The following AQP1 variants were observed in gnomAD, a reference collection of about 807,000 sequenced individuals.
The protein encoded by AQP1 is aquaporin 1 (Colton blood group), also known as aquaporin-1.
AQP1 carries 11 observed loss-of-function variants against 19.7 expected under a neutral mutation model. That is an observed-to-expected ratio of 0.56 (90% CI 0.35 to 0.92). The LOEUF (loss-of-function observed/expected upper bound fraction) is 0.92. AQP1 is among the 40% of genes least tolerant of loss of function. AQP1 has a pLI of 0.01. For missense variants in AQP1, 320 were observed against 369.7 expected (o/e 0.87, Z 1.10); for synonymous variants, 159 against 166.7 (o/e 0.95, Z 0.36).
chr7:30,922,378 G>C (rs975982923), intron 2 of AQP1, 148 bp downstream of exon 2: 303 of 1,384,650 alleles, frequency 2.2e-4, no homozygotes, highest in Non-Finnish European at 2.8e-4. Flanking sequence ...CTGGGGGCAG[G>C]GTCCTGCCCT....
chr7:30,916,045 CT>C (rs1446736092), intron 1 of AQP1, among the ~76,000 whole-genome samples: 3 of 152,188 alleles, frequency 2.0e-5, no homozygotes, highest in Admixed American at 6.5e-5. Context: ...GTGGTGGAGA[CT>C]TCCCTCACCA....
rs1436021836 is a variant in AQP1, at chr7:30,912,238, C to T, written c.329C>T (p.Ala110Val). 3 of 1,608,430 alleles carry T rather than the reference C, an allele frequency of 1.9e-6. No individual in the cohort carries two copies. The African/African-American group carries it at 4.0e-5, about 21-fold the overall frequency. Residue 110 changes from alanine (A) to valine (V), a missense_variant, in exon 1 of 4, where the codon GCC (alanine) becomes GTC (valine). Coordinates refer to ENST00000311813, the MANE Select transcript of AQP1 (RefSeq NM_198098.4). This position sits in a 1 kb window ranked among gnomAD's most constrained non-coding sequence, Gnocchi z 4.3. ...AQCVGAIVATAILSGITSSLT... is the reference protein window; with the variant it reads ...AQCVGAIVATVILSGITSSLT... ...TGCGTGGGGGCCATCGTCGCCACCG[C>T]CATCCTCTCAGGCATCACCTCCTCC...
intron 1 of AQP1, among the ~76,000 whole-genome samples, chr7:30,915,366 G>A (rs370518241): frequency 1.7e-4 from 26 of 152,146 alleles, no homozygotes; most frequent in African/African-American, 5.8e-4. Flanking sequence ...GGGCGGGCCC[G>A]GGAACTTTTG....
At chr7:30,918,009 T>TTTTTTTTTTTTTTTTTTTTC (rs1791401617) in intron 1 of AQP1, among the ~76,000 whole-genome samples, 1 of 151,950 alleles carries the variant, frequency 6.6e-6, no homozygotes, top group African/African-American at 2.4e-5. Context: ...TTATTTTTTT[T>TTTTTTTTTTTTTTTTTTTTC]TTTGAGACGG....
rs1791355808 is a variant in AQP1 at position 30,916,412 on chromosome 7, A to G, written c.384+4119A>G. Among the ~76,000 whole-genome samples the G allele has an allele frequency of 2.0e-5, 3 of 152,224 alleles. No individual in the cohort carries two copies. In the South Asian group the frequency reaches 6.2e-4, roughly 32 times the overall value. ...ATGGCCCTTACCTTCTGGAAGCACCAATGAGTCTGGAGTCTCCTGAGTGGC... is the reference window on the plus strand; with the variant it reads ...ATGGCCCTTACCTTCTGGAAGCACCGATGAGTCTGGAGTCTCCTGAGTGGC... On this transcript the variant is annotated intron_variant, in intron 1 of 3. Coordinates refer to ENST00000311813, the MANE Select transcript of AQP1 (RefSeq NM_198098.4).
At position 30,923,911 on chromosome 7, in the gene AQP1, CG is replaced by C. The variant is rs779804193; in HGVS notation, c.*283del. ...GAAAGAAAGGGACCCACCTGCTAGTCGCCCCTCAGAGCATGATGGGAGGTGT... is the reference window on the plus strand; with the variant it reads ...GAAAGAAAGGGACCCACCTGCTAGTCCCCCTCAGAGCATGATGGGAGGTGT... On this transcript the variant is annotated 3_prime_UTR_variant, in exon 4 of 4. Coordinates refer to ENST00000311813, the MANE Select transcript of AQP1 (RefSeq NM_198098.4). This position sits in a 1 kb window ranked among gnomAD's most constrained non-coding sequence, Gnocchi z 4.8. 1 of 1,456,848 alleles carries C rather than the reference CG, an allele frequency of 6.9e-7. No individual in the cohort carries two copies. Among genetic ancestry groups the C allele is most frequent in the South Asian group, 1.2e-5 (1 of 86,836 alleles). The allele number at this position is 1,456,848 out of a possible 1,614,324, so 90.2% of individuals were successfully genotyped here.
intron 1 of AQP1, among the ~76,000 whole-genome samples, chr7:30,913,662 G>A (rs1202711305): frequency 6.6e-6 from 1 of 152,208 alleles, no homozygotes; most frequent in African/African-American, 2.4e-5. Context: ...GCTCAGCCTG[G>A]CCATGGGGGG....
chr7:30,924,261 G>T lies in AQP1; in HGVS notation c.*632G>T, dbSNP rs1791621236. On this transcript the variant is annotated 3_prime_UTR_variant, in exon 4 of 4. Transcript: ENST00000311813. The stretch of plus-strand genomic sequence containing the variant: ...ACCGGCAGAGCTCTACAGGCCTGCA[G>T]CCCCTAAGTGCAAACACAGCATGGG... The T allele has an allele frequency of 2.5e-6, 1 of 403,032 alleles. No homozygotes were observed. Among genetic ancestry groups the T allele is most frequent in the Non-Finnish European group, 3.9e-6 (1 of 257,920 alleles). The allele number at this position is 403,032 out of a possible 1,614,324, so 25.0% of individuals were successfully genotyped here.
At chr7:30,914,403 T>G (rs2128588610) in intron 1 of AQP1, among the ~76,000 whole-genome samples, 1 of 152,304 alleles carries the variant, frequency 6.6e-6, no homozygotes, top group South Asian at 2.1e-4. Context: ...TGCTTTGAGC[T>G]TATCACCCAT....
chr7:30,922,368 C>T, intron 2 of AQP1, 138 bp downstream of exon 2: 1 of 1,402,312 alleles, frequency 7.1e-7, no homozygotes, highest in South Asian at 1.3e-5. Flanking sequence ...GCGCTGGGGG[C>T]TGGGGGCAGG....
intron 2 of AQP1, 98 bp from the exon 3 acceptor site, chr7:30,922,466 G>A (rs1791544697): frequency 1.5e-6 from 2 of 1,376,180 alleles, no homozygotes; most frequent in African/African-American, 2.9e-5. Context: ...CCCCCACCCT[G>A]ATTGTTCTCT....
At chr7:30,921,398 A>G in intron 1 of AQP1, 3 of 1,413,410 alleles carry the variant, frequency 2.1e-6, no homozygotes, top group Non-Finnish European at 2.8e-6. Context: ...GTGGGGAGGA[A>G]GAAGAGAGAA....
chr7:30,917,222 C>T (rs1400805185), intron 1 of AQP1, among the ~76,000 whole-genome samples: 8 of 152,228 alleles, frequency 5.3e-5, no homozygotes, highest in Non-Finnish European at 1.2e-4. Flanking sequence ...CAAACATGCA[C>T]ACACATGTGC....
chr7:30,919,549 A>T (rs1791444034), intron 1 of AQP1, among the ~76,000 whole-genome samples: 2 of 127,110 alleles, frequency 1.6e-5, no homozygotes, highest in South Asian at 2.4e-4. Context: ...AATTGTTCTG[A>T]TTCTTACTTT....
chr7:30,913,796 C>T (rs1419613739), intron 1 of AQP1, among the ~76,000 whole-genome samples: 2 of 152,138 alleles, frequency 1.3e-5, no homozygotes, highest in Non-Finnish European at 2.9e-5. Context: ...TTAGACGTGG[C>T]CGCGGGGGAT....
chr7:30,920,995 A>C (rs570279068), intron 1 of AQP1, among the ~76,000 whole-genome samples: 2 of 152,032 alleles, frequency 1.3e-5, no homozygotes, highest in South Asian at 4.2e-4. Flanking sequence ...CCTTGGAGAC[A>C]CTCCCATATC....
Position 30,923,298 on chromosome 7 carries a change from G to A in AQP1, c.631-152G>A. ...CCTGGGCCGGTTCTGAGGGGCACCG[G>A]AATCATGATGTTAGGATTTGGCTCT... On this transcript the variant is annotated intron_variant, in intron 3 of 3. Transcript: ENST00000311813. This position sits in a 1 kb window ranked among gnomAD's most constrained non-coding sequence, Gnocchi z 4.8. 6.8e-7 allele frequency: 1 copy of A among 1,464,484 alleles called. No homozygotes were observed. Among genetic ancestry groups the A allele is most frequent in the Non-Finnish European group, 9.1e-7 (1 of 1,094,436 alleles). 90.7% of individuals were successfully genotyped at this position (1,464,484 alleles called of 1,614,324 possible).
intron 3 of AQP1, 47 bp downstream of exon 3, chr7:30,922,691 G>A (rs1420664588): frequency 1.3e-6 from 2 of 1,550,310 alleles, no homozygotes; most frequent in Non-Finnish European, 1.8e-6. Context: ...GTGTCCCATG[G>A]TAAGCCTGAC....
Position 30,912,321 on chromosome 7 carries a change from G to A in AQP1, c.384+28G>A. ...GAGTGGGGTGTCCCTGGGCTTGGGG[G>A]GGTTCTAGAATGATGCTGAAAGGCA... is the stretch of plus-strand genomic sequence containing the variant. On this transcript the variant is annotated intron_variant, in intron 1 of 3. Coordinates refer to ENST00000311813, the MANE Select transcript of AQP1 (RefSeq NM_198098.4). The surrounding 1 kb of genome is among the most constrained non-coding windows in gnomAD (Gnocchi z 4.3). The A allele has an allele frequency of 6.3e-7, 1 of 1,595,102 alleles. No individual in the cohort carries two copies. The highest frequency in any genetic ancestry group is 8.5e-7 in the Non-Finnish European group (1 of 1,177,138).
Sources: gnomAD v4.1 joint callset for allele counts (sites outside exome capture counted in the v4.1 genomes callset) on GRCh38, gnomAD v4.1.1 for gene constraint, Gnocchi (gnomAD v3.1) non-coding constraint, MANE v1.5 for transcripts, NCBI Gene and HGNC (gene_info 2026-07-23, HGNC 2026-07-21) for gene names.